GFRA1: variants seen among roughly 807,000 people sequenced by gnomAD.
The protein encoded by GFRA1 is GDNF family receptor alpha 1, also known as GDNF family receptor alpha-1.
In GFRA1, 16 loss-of-function variants were observed where a neutral mutation model predicts 51.6. The ratio of observed to expected loss-of-function variants is 0.31; its 90% confidence interval spans 0.21 to 0.47. GFRA1 has a LOEUF of 0.47. Ranked by LOEUF, GFRA1 falls within the 20% of genes least tolerant of loss-of-function variation. The pLI is 1.00. For missense variants in GFRA1, 530 were observed against 594.3 expected, an observed-to-expected ratio of 0.89 and a Z score of 1.13; for synonymous variants, 270 against 241.3, an observed-to-expected ratio of 1.12 and a Z score of -1.10.
chr10:116,134,506 G>T (rs1270167095), intron 5 of GFRA1, among the ~76,000 whole-genome samples: 1 of 152,170 alleles, frequency 6.6e-6, no homozygotes, highest in South Asian at 2.1e-4. Context: ...TCCTTCAAGA[G>T]CTTGGCTTTT....
At position 116,143,593 on chromosome 10, in the gene GFRA1, T is replaced by C. The variant is rs539747834; in HGVS notation, c.434-18036A>G. ...CGTTGCAACTGCTACCTGAATGTTA[T>C]TTAGATTTATGGAGAGAGAAAAAGA... On this transcript the variant is annotated intron_variant, in intron 5 of 10. Transcript: ENST00000355422. Among the ~76,000 whole-genome samples the C allele has an allele frequency of 3.3e-5, 5 of 152,310 alleles. No individual in the cohort carries two copies. In the South Asian group the frequency reaches 1.0e-3, roughly 32 times the overall value.
chr10:116,257,772 G>GAGACAAATT (rs200121800), intron 4 of GFRA1, among the ~76,000 whole-genome samples: 2,491 of 152,326 alleles, frequency 0.016, 72 homozygotes, highest in African/African-American at 0.056. Context: ...CAGCAATGCT[G>GAGACAAATT]AGACAAATTA....
At chr10:116,118,873 GCAGGGAGGGGAC>G (rs1249334164) in intron 6 of GFRA1, among the ~76,000 whole-genome samples, 1 of 152,226 alleles carries the variant, frequency 6.6e-6, no homozygotes, top group Non-Finnish European at 1.5e-5. Flanking sequence ...TTGGGCAGAT[GCAGGGAGGGGAC>G]CAGCTGGAGA....
At chr10:116,094,586 C>T (rs909083952) in intron 7 of GFRA1, among the ~76,000 whole-genome samples, 2 of 152,210 alleles carry the variant, frequency 1.3e-5, no homozygotes, top group East Asian at 3.9e-4. Flanking sequence ...CCTGGGTGGC[C>T]GACACCAGGC....
At chr10:116,152,319 C>T (rs929004241) in intron 5 of GFRA1, among the ~76,000 whole-genome samples, 6 of 152,146 alleles carry the variant, frequency 3.9e-5, no homozygotes, top group Non-Finnish European at 8.8e-5. Flanking sequence ...ACCGTCTTCA[C>T]AACCTTTTAG....
At chr10:116,213,950 C>G (rs1965384256) in intron 4 of GFRA1, among the ~76,000 whole-genome samples, 1 of 152,212 alleles carries the variant, frequency 6.6e-6, no homozygotes, top group South Asian at 2.1e-4. Context: ...ATCAGTCCCA[C>G]TACAGGAAAC....
At chr10:116,135,968 A>G (rs529327775) in intron 5 of GFRA1, among the ~76,000 whole-genome samples, 5 of 151,632 alleles carry the variant, frequency 3.3e-5, no homozygotes, top group Non-Finnish European at 7.4e-5. Flanking sequence ...TTGCTATTAC[A>G]TGTAGTACTG....
At chr10:116,255,919 G>A (rs1381625718) in intron 4 of GFRA1, 1 of 170,410 alleles carries the variant, frequency 5.9e-6, no homozygotes, top group East Asian at 1.9e-4. Context: ...TTTCTTTTCA[G>A]AGCAGAAGAC....
At chr10:116,261,774 A>C (rs921890852) in intron 4 of GFRA1, among the ~76,000 whole-genome samples, 1 of 152,216 alleles carries the variant, frequency 6.6e-6, no homozygotes, top group Non-Finnish European at 1.5e-5. Context: ...AAGGAAGGAA[A>C]ATATTAAAAG....
intron 5 of GFRA1, among the ~76,000 whole-genome samples, chr10:116,129,514 G>T (rs1180439487): frequency 6.6e-6 from 1 of 152,044 alleles, no homozygotes; most frequent in Non-Finnish European, 1.5e-5. Flanking sequence ...GAATAGAAAA[G>T]AATCTCCTCA....
intron 8 of GFRA1, among the ~76,000 whole-genome samples, chr10:116,093,081 C>T (rs1456087032): frequency 6.6e-6 from 1 of 152,136 alleles, no homozygotes; most frequent in Admixed American, 6.5e-5. Context: ...AAGCAGGAGC[C>T]CCCTCCCTCC....
intron 9 of GFRA1, among the ~76,000 whole-genome samples, chr10:116,070,035 C>A (rs780470193): frequency 1.3e-5 from 2 of 152,152 alleles, no homozygotes; most frequent in Non-Finnish European, 2.9e-5. Context: ...TCTCTCTCCT[C>A]CTCCACGCAT....
chr10:116,057,311 T>A lies in GFRA1; in HGVS notation c.*7087A>T, dbSNP rs1954589099. 6.6e-6 allele frequency: 1 copy of A among 152,060 alleles called. No homozygotes were observed. The highest frequency in any genetic ancestry group is 1.5e-5 in the Non-Finnish European group (1 of 68,016). 9.4% of individuals were successfully genotyped at this position (152,060 alleles called of 1,614,324 possible). A position where few individuals can be genotyped will look rare whatever the true frequency, so the allele number is the denominator to read the frequency against. ...CTAACTGGAGGCTTCTCAACAAAGC[T>A]CAGTCGACCCCTCACCCCTGTTCCG... On this transcript the variant is annotated 3_prime_UTR_variant, in exon 11 of 11. Transcript: ENST00000355422.
At chr10:116,093,368 C>T (rs1956434209) in intron 8 of GFRA1, among the ~76,000 whole-genome samples, 2 of 152,180 alleles carry the variant, frequency 1.3e-5, no homozygotes, top group Admixed American at 6.5e-5. Context: ...ATTTGATCTG[C>T]GGGTAGAAGC....
At chr10:116,178,498 G>A (rs922909616) in intron 5 of GFRA1, among the ~76,000 whole-genome samples, 2 of 152,190 alleles carry the variant, frequency 1.3e-5, no homozygotes, top group Non-Finnish European at 1.5e-5. Context: ...TTCAAAAATC[G>A]AATGTAGCAG....
intron 5 of GFRA1, among the ~76,000 whole-genome samples, chr10:116,148,023 C>CGCATGCATGTGCGTGTGT (rs1565610269): frequency 7.3e-5 from 10 of 136,840 alleles, no homozygotes; most frequent in African/African-American, 2.8e-4. Context: ...CGTGTGTGCG[C>CGCATGCATGTGCGTGTGT]GCATGCATGT....
intron 4 of GFRA1, among the ~76,000 whole-genome samples, chr10:116,239,583 G>T (rs1016333516): frequency 6.6e-6 from 1 of 152,096 alleles, no homozygotes; most frequent in Non-Finnish European, 1.5e-5. Flanking sequence ...AGATAAGAAC[G>T]TAACTTAACA....
At chr10:116,253,795 A>G (rs1444934054) in intron 4 of GFRA1, among the ~76,000 whole-genome samples, 1 of 152,144 alleles carries the variant, frequency 6.6e-6, no homozygotes, top group Admixed American at 6.5e-5. Flanking sequence ...GCATCTAGCT[A>G]CTTTTGTTCT....
chr10:116,202,769 A>T (rs187317249), intron 5 of GFRA1, among the ~76,000 whole-genome samples: 113 of 152,236 alleles, frequency 7.4e-4, no homozygotes, highest in African/African-American at 2.6e-3. Context: ...TCATGATCTA[A>T]TCACCTCCCA....
Sources: gnomAD v4.1 joint callset for allele counts (sites outside exome capture counted in the v4.1 genomes callset) on GRCh38, gnomAD v4.1.1 for gene constraint, MANE v1.5 for transcripts, NCBI Gene and HGNC (gene_info 2026-07-23, HGNC 2026-07-21) for gene names.